The following HEG1 variants were observed in gnomAD, a reference collection of about 807,000 sequenced individuals.
HEG1 encodes heart development protein with EGF like domains 1, also known as protein HEG homolog 1.
HEG1 carries 56 observed loss-of-function variants against 125.6 expected under a neutral mutation model. The ratio of observed to expected loss-of-function variants is 0.45; its 90% CI spans 0.36 to 0.56. HEG1 has a LOEUF of 0.56. Among genes scored for constraint, HEG1 ranks in the 20% least tolerant of loss-of-function variants. The pLI, the probability that HEG1 is intolerant of heterozygous loss-of-function variation, is 0.00. For missense variants in HEG1, 1,523 were observed against 1,670.0 expected, an observed-to-expected ratio of 0.91 and a Z score of 1.53; for synonymous variants, 644 against 668.5, an observed-to-expected ratio of 0.96 and a Z score of 0.57.
At chr3:124,973,600 A>C in intron 16 of HEG1, 131 bp downstream of exon 16, 1 of 637,980 alleles carries the variant, frequency 1.6e-6, no homozygotes, top group African/African-American at 1.8e-5. Context: ...ACTGACTAGT[A>C]AATCAGAGGT....
intron 2 of HEG1, among the ~76,000 whole-genome samples, chr3:125,028,770 CCAG>C (rs1047221036): frequency 2.0e-5 from 3 of 152,134 alleles, no homozygotes; most frequent in African/African-American, 7.2e-5. Context: ...CCATTGAGCC[CCAG>C]CACCTTCTTG....
chr3:125,035,000 G>A (rs941339886), intron 1 of HEG1, among the ~76,000 whole-genome samples: 2 of 152,164 alleles, frequency 1.3e-5, no homozygotes, highest in Non-Finnish European at 2.9e-5. Flanking sequence ...TTGAGACAGA[G>A]TCTCACTCTG....
intron 11 of HEG1, 96 bp from the exon 12 acceptor site, chr3:124,997,919 ACT>A: frequency 1.5e-6 from 2 of 1,307,692 alleles, no homozygotes; most frequent in South Asian, 1.9e-5. Context: ...GTCTGCATGA[ACT>A]CTCTATTTCA....
At chr3:124,979,045 G>A (rs920952267) in intron 14 of HEG1, among the ~76,000 whole-genome samples, 2 of 151,818 alleles carry the variant, frequency 1.3e-5, no homozygotes, top group South Asian at 2.1e-4. Context: ...CACCTCCTGG[G>A]TTCAAGCGAT....
At chr3:125,033,924 T>C (rs1937522149) in intron 1 of HEG1, among the ~76,000 whole-genome samples, 1 of 152,232 alleles carries the variant, frequency 6.6e-6, no homozygotes, top group Non-Finnish European at 1.5e-5. Flanking sequence ...ATGCCTGATA[T>C]GATCTGAGGT....
chr3:125,021,208 G>A (rs547182695), intron 3 of HEG1, 78 bp from the exon 4 acceptor site: 24 of 1,139,486 alleles, frequency 2.1e-5, no homozygotes, highest in South Asian at 1.1e-4. Flanking sequence ...TACAAATGAC[G>A]TTTCTTACAT....
intron 12 of HEG1, among the ~76,000 whole-genome samples, chr3:124,996,711 G>C (rs1432575784): frequency 6.6e-6 from 1 of 152,176 alleles, no homozygotes; most frequent in African/African-American, 2.4e-5. Flanking sequence ...TCCTCTCATG[G>C]GAAGTCCTGA....
intron 1 of HEG1, among the ~76,000 whole-genome samples, chr3:125,041,462 C>T (rs534206448): frequency 2.0e-5 from 3 of 152,152 alleles, no homozygotes; most frequent in Non-Finnish European, 4.4e-5. Flanking sequence ...GAAATGCTGG[C>T]GAGGATATGG....
At position 124,967,773 on chromosome 3, in the gene HEG1, G is replaced by A; in HGVS notation, c.*2879C>T. ...GCCCACCTCTCAAGGATACTGTGAGGAGCCTTGCCCAGAGCCTGGTCATGG... is the reference window on the plus strand; with the variant it reads ...GCCCACCTCTCAAGGATACTGTGAGAAGCCTTGCCCAGAGCCTGGTCATGG... On this transcript the variant is annotated 3_prime_UTR_variant, in exon 17 of 17. Transcript: ENST00000311127. 1 of 152,324 alleles carries A rather than the reference G, an allele frequency of 6.6e-6. No individual in the cohort carries two copies. Among genetic ancestry groups the A allele is most frequent in the African/African-American group, 2.4e-5 (1 of 41,540 alleles). The allele number at this position is 152,324 out of a possible 1,614,324, so 9.4% of individuals were successfully genotyped here.
At chr3:124,989,626 C>T (rs111606267) in intron 14 of HEG1, among the ~76,000 whole-genome samples, 3 of 152,188 alleles carry the variant, frequency 2.0e-5, no homozygotes, top group African/African-American at 7.2e-5. Flanking sequence ...GTGCAAAACA[C>T]GCCCCGCTCA....
intron 1 of HEG1, among the ~76,000 whole-genome samples, chr3:125,037,006 T>C (rs1268976196): frequency 6.6e-6 from 1 of 152,180 alleles, no homozygotes; most frequent in Non-Finnish European, 1.5e-5. Context: ...ATAAGGAAGT[T>C]TATCACAGAA....
At chr3:124,986,313 C>T (rs1021817557) in intron 14 of HEG1, among the ~76,000 whole-genome samples, 25 of 152,210 alleles carry the variant, frequency 1.6e-4, no homozygotes, top group Non-Finnish European at 3.1e-4. Flanking sequence ...AAAAATCCAG[C>T]CTGAGTCACA....
chr3:125,041,695 C>T (rs1937594759), intron 1 of HEG1, among the ~76,000 whole-genome samples: 1 of 152,154 alleles, frequency 6.6e-6, no homozygotes, highest in African/African-American at 2.4e-5. Context: ...TGAAAGCAAC[C>T]CAGCTGTCTA....
intron 1 of HEG1, among the ~76,000 whole-genome samples, chr3:125,036,762 A>G (rs1937551612): frequency 6.6e-6 from 1 of 152,260 alleles, no homozygotes; most frequent in East Asian, 1.9e-4. Context: ...GACCTTTTAC[A>G]TTACTTTTGT....
At chr3:124,997,348 A>G (rs1310179261) in intron 12 of HEG1, among the ~76,000 whole-genome samples, 1 of 152,188 alleles carries the variant, frequency 6.6e-6, no homozygotes, top group East Asian at 1.9e-4. Context: ...CCACTTTAAA[A>G]GATTAGCAGA....
chr3:125,047,247 G>A (rs76826163), intron 1 of HEG1, among the ~76,000 whole-genome samples: 10 of 152,362 alleles, frequency 6.6e-5, no homozygotes, highest in Non-Finnish European at 1.2e-4. Context: ...CGATGGGAGG[G>A]TTGCTGTCAA....
At chr3:125,046,239 C>A (rs1579439908) in intron 1 of HEG1, among the ~76,000 whole-genome samples, 6 of 152,184 alleles carry the variant, frequency 3.9e-5, no homozygotes, top group Admixed American at 3.9e-4. Flanking sequence ...TCCTAACAAA[C>A]CACAAGAATT....
intron 14 of HEG1, among the ~76,000 whole-genome samples, chr3:124,978,819 A>AAATG (rs1240979257): frequency 6.6e-6 from 1 of 150,538 alleles, no homozygotes; most frequent in Admixed American, 6.6e-5. Flanking sequence ...ATAAATAAAT[A>AAATG]AATAAATAAA....
chr3:125,024,230 A>G (rs1302108393), intron 3 of HEG1, among the ~76,000 whole-genome samples: 1 of 152,222 alleles, frequency 6.6e-6, no homozygotes, highest in Non-Finnish European at 1.5e-5. Context: ...GATTCTCAAC[A>G]TTTCTTATAT....
Sources: gnomAD v4.1 joint callset for allele counts (sites outside exome capture counted in the v4.1 genomes callset) on GRCh38, gnomAD v4.1.1 for gene constraint, MANE v1.5 for transcripts, NCBI Gene and HGNC (gene_info 2026-07-23, HGNC 2026-07-21) for gene names.